Variants in GALNT10 observed in about 807,000 individuals in gnomAD.
GALNT10 encodes the protein GalNAc transferase 10.
Under a neutral mutation model 75.0 loss-of-function variants are expected in GALNT10, and 41 were observed. The ratio of observed to expected loss-of-function variants is 0.55; its 90% confidence interval spans 0.43 to 0.71. The LOEUF (loss-of-function observed/expected upper bound fraction) is 0.71. GALNT10 is among the 30% of genes least tolerant of loss of function. GALNT10 has a pLI of 0.00. For synonymous variants in GALNT10, 302 were observed against 313.0 expected (o/e 0.96, Z 0.37); for missense variants, 727 against 818.5 (o/e 0.89, Z 1.36).
intron 1 of GALNT10, among the ~76,000 whole-genome samples, chr5:154,224,547 A>AACTTT (rs1361660632): frequency 1.3e-5 from 2 of 152,230 alleles, no homozygotes; most frequent in African/African-American, 4.8e-5. Flanking sequence ...AAAAGGCAGA[A>AACTTT]ACTTTTGGCT....
intron 1 of GALNT10, among the ~76,000 whole-genome samples, chr5:154,204,314 C>T (rs1316765493): frequency 6.6e-6 from 1 of 152,188 alleles, no homozygotes; most frequent in Admixed American, 6.5e-5. Flanking sequence ...TATTTTCTTC[C>T]CGCTTCCCAC....
intron 4 of GALNT10, among the ~76,000 whole-genome samples, chr5:154,339,767 C>T (rs958051927): frequency 2.6e-5 from 4 of 152,144 alleles, no homozygotes; most frequent in Non-Finnish European, 4.4e-5. Flanking sequence ...GGATATTCTC[C>T]TGATTTTCTT....
chr5:154,399,417 A>G (rs539954938), intron 7 of GALNT10, among the ~76,000 whole-genome samples: 1 of 152,284 alleles, frequency 6.6e-6, no homozygotes, highest in Non-Finnish European at 1.5e-5. Context: ...AGCCAGGAGC[A>G]TGACGGCGAT....
intron 8 of GALNT10, among the ~76,000 whole-genome samples, chr5:154,408,260 G>A (rs920934465): frequency 6.6e-5 from 10 of 152,118 alleles, no homozygotes; most frequent in African/African-American, 9.7e-5. Flanking sequence ...TCTGCTCCTA[G>A]AGCAATCCTT....
chr5:154,308,937 C>T (rs191302936), intron 3 of GALNT10, among the ~76,000 whole-genome samples: 68 of 152,282 alleles, frequency 4.5e-4, no homozygotes, highest in Non-Finnish European at 3.4e-4. Context: ...TCAAAATCTC[C>T]TTCCCTCCTA....
intron 1 of GALNT10, among the ~76,000 whole-genome samples, chr5:154,196,013 C>T (rs531558894): frequency 1.8e-4 from 27 of 152,238 alleles, no homozygotes; most frequent in African/African-American, 6.5e-4. Flanking sequence ...ACCTCCACCT[C>T]CCAGGTTCAA....
chr5:154,234,652 G>T (rs1187741429), intron 1 of GALNT10, among the ~76,000 whole-genome samples: 1 of 152,236 alleles, frequency 6.6e-6, no homozygotes, highest in Admixed American at 6.5e-5. Flanking sequence ...ATTGAGTCTG[G>T]TGTCAGGATC....
chr5:154,282,219 A>G (rs1452888063), intron 1 of GALNT10, among the ~76,000 whole-genome samples: 2 of 152,232 alleles, frequency 1.3e-5, no homozygotes, highest in Non-Finnish European at 2.9e-5. Context: ...CACTCTCTCC[A>G]TAACAGCATT....
At chr5:154,386,256 T>G in intron 6 of GALNT10, 57 bp from the exon 7 acceptor site, 294 of 1,240,752 alleles carry the variant, frequency 2.4e-4, no homozygotes, top group Non-Finnish European at 3.1e-4. Context: ...TCGGGCCACA[T>G]GAGAGCATGT....
intron 8 of GALNT10, among the ~76,000 whole-genome samples, chr5:154,408,298 A>G (rs1756325130): frequency 6.6e-6 from 1 of 152,200 alleles, no homozygotes. Flanking sequence ...GACTGATAAC[A>G]GCTTAAACTG....
At chr5:154,221,644 G>A (rs1047215736) in intron 1 of GALNT10, among the ~76,000 whole-genome samples, 8 of 152,206 alleles carry the variant, frequency 5.3e-5, no homozygotes, top group African/African-American at 1.9e-4. Context: ...CCACAGGAAT[G>A]CAACCTGACA....
chr5:154,321,788 G>GAGCACCTGCCCCCTAGAC (rs547657245), intron 3 of GALNT10, among the ~76,000 whole-genome samples: 162 of 121,348 alleles, frequency 1.3e-3, no homozygotes, highest in African/African-American at 3.9e-3. Context: ...AGTGTCTGGA[G>GAGCACCTGCCCCCTAGAC]AGCACCTGCC....
intron 4 of GALNT10, among the ~76,000 whole-genome samples, chr5:154,359,427 G>C (rs779877958): frequency 5.9e-5 from 9 of 151,910 alleles, no homozygotes; most frequent in Admixed American, 1.3e-4. Context: ...AACACAAGGT[G>C]GCCCTGGAGG....
chr5:154,317,964 C>T (rs1423915614), intron 3 of GALNT10, among the ~76,000 whole-genome samples: 1 of 152,232 alleles, frequency 6.6e-6, no homozygotes, highest in Non-Finnish European at 1.5e-5. Context: ...TATATATCCT[C>T]CCATGTTCAA....
At chr5:154,374,467 C>T (rs1272277738) in intron 4 of GALNT10, among the ~76,000 whole-genome samples, 1 of 152,156 alleles carries the variant, frequency 6.6e-6, no homozygotes, top group Non-Finnish European at 1.5e-5. Flanking sequence ...TGTACCAGCA[C>T]AAAAGTCATT....
At chr5:154,264,067 C>G (rs977733611) in intron 1 of GALNT10, among the ~76,000 whole-genome samples, 1 of 152,142 alleles carries the variant, frequency 6.6e-6, no homozygotes, top group Non-Finnish European at 1.5e-5. Context: ...AATCCCAGTA[C>G]TTTGAGAGGC....
In GALNT10 at chr5:154,400,354, C is replaced by T. The variant is rs1025385305; in HGVS notation, c.1057-3750C>T. Reference sequence around the variant, plus strand: ...TGTGTGGTGCAGAGGTGATCACTGGCAGCTGCAGTGTGTTGTCCACTTTGT... The same window carrying T: ...TGTGTGGTGCAGAGGTGATCACTGGTAGCTGCAGTGTGTTGTCCACTTTGT... On this transcript the variant is annotated intron_variant, in intron 7 of 11. Transcript: ENST00000297107. Among the ~76,000 whole-genome samples the T allele has an allele frequency of 2.6e-5, 4 of 152,132 alleles. No individual in the cohort carries two copies. The South Asian group carries it at 8.3e-4, about 32-fold the overall frequency.
intron 4 of GALNT10, among the ~76,000 whole-genome samples, chr5:154,340,224 T>G (rs772662474): frequency 6.6e-6 from 1 of 152,212 alleles, no homozygotes; most frequent in Non-Finnish European, 1.5e-5. Flanking sequence ...CTCATTTGCC[T>G]GTATCACAGA....
rs114461828 is a variant in GALNT10, at chr5:154,332,842, C to T, written c.568+3104C>T. 6.7e-3 allele frequency among the ~76,000 whole-genome samples: 1,021 copies of T among 152,288 alleles called. 7 individuals carry two copies. Among genetic ancestry groups the T allele is most frequent in the African/African-American group, 0.023 (956 of 41,558 alleles). On this transcript the variant is annotated intron_variant, in intron 4 of 11. Transcript: ENST00000297107. ...CTGTATGTAACCTGTTTTTCTGAAG[C>T]ACCAGCTGCCCTGGGGTTGGGCTTG...
Sources: gnomAD v4.1 joint callset for allele counts (sites outside exome capture counted in the v4.1 genomes callset) on GRCh38, gnomAD v4.1.1 for gene constraint, MANE v1.5 for transcripts, NCBI Gene and HGNC (gene_info 2026-07-23, HGNC 2026-07-21) for gene names.